The following NTNG1 variants were observed in gnomAD, a reference collection of about 807,000 sequenced individuals.
NTNG1 encodes netrin-G1.
In NTNG1, 16 loss-of-function variants were observed where a neutral mutation model predicts 54.0. That is an observed-to-expected ratio of 0.30 (90% confidence interval 0.20 to 0.45). The LOEUF is 0.45. NTNG1 is among the 20% of genes least tolerant of loss of function. The pLI, the probability that NTNG1 is intolerant of heterozygous loss-of-function variation, is 1.00. For synonymous variants in NTNG1, 255 were observed against 263.1 expected (o/e 0.97, Z 0.30); for missense variants, 530 against 678.7 (o/e 0.78, Z 2.43).
intron 3 of NTNG1, among the ~76,000 whole-genome samples, chr1:107,368,837 T>C (rs1670746290): frequency 6.6e-6 from 1 of 152,208 alleles, no homozygotes; most frequent in Non-Finnish European, 1.5e-5. Context: ...TATTGAAATG[T>C]AATTGACATA....
chr1:107,274,961 C>T (rs1664368842), intron 2 of NTNG1, among the ~76,000 whole-genome samples: 1 of 152,160 alleles, frequency 6.6e-6, no homozygotes, highest in Non-Finnish European at 1.5e-5. Context: ...TCCCTGAGGA[C>T]CCAGAAATCT....
intron 1 of NTNG1, among the ~76,000 whole-genome samples, chr1:107,144,808 G>T (rs1023508673): frequency 6.6e-6 from 1 of 151,838 alleles, no homozygotes; most frequent in East Asian, 1.9e-4. Flanking sequence ...GAGGTCTATG[G>T]GGTACTCACA....
chr1:107,344,482 C>T (rs1167836366), intron 3 of NTNG1, among the ~76,000 whole-genome samples: 1 of 152,046 alleles, frequency 6.6e-6, no homozygotes, highest in Non-Finnish European at 1.5e-5. Context: ...TTGCTGCCTT[C>T]TCAGCAGAAT....
At chr1:107,406,894 G>C (rs570960488) in intron 4 of NTNG1, among the ~76,000 whole-genome samples, 7 of 152,242 alleles carry the variant, frequency 4.6e-5, no homozygotes, top group African/African-American at 1.7e-4. Flanking sequence ...CAGAGAGCCT[G>C]GCTTCTGAGC....
chr1:107,280,157 C>CTTTTTTT (rs59501395), intron 2 of NTNG1, among the ~76,000 whole-genome samples: 1 of 103,942 alleles, frequency 9.6e-6, no homozygotes, highest in Non-Finnish European at 1.8e-5. Flanking sequence ...CGGTGCTAAC[C>CTTTTTTT]TTTTTTTTTT....
chr1:107,432,532 G>A (rs1352954738), intron 6 of NTNG1, among the ~76,000 whole-genome samples: 1 of 152,072 alleles, frequency 6.6e-6, no homozygotes, highest in African/African-American at 2.4e-5. Flanking sequence ...ATAACACTTG[G>A]GTTACAAAGA....
chr1:107,328,560 CAG>C (rs200073899), intron 3 of NTNG1, among the ~76,000 whole-genome samples: 2,242 of 152,092 alleles, frequency 0.015, 22 homozygotes, highest in Non-Finnish European at 0.023. Context: ...TTTATACAGA[CAG>C]GGGGTTAAAC....
At chr1:107,160,319 A>G (rs1655314145) in intron 2 of NTNG1, among the ~76,000 whole-genome samples, 2 of 152,098 alleles carry the variant, frequency 1.3e-5, no homozygotes, top group Admixed American at 6.6e-5. Flanking sequence ...TATATCCCTC[A>G]CAACATATAT....
chr1:107,297,642 T>A (rs537203765), intron 2 of NTNG1, among the ~76,000 whole-genome samples: 246 of 152,198 alleles, frequency 1.6e-3, no homozygotes, highest in Middle Eastern at 0.014. Context: ...ATTTCTGTAA[T>A]AAATTTGTCT....
At chr1:107,376,612 T>C (rs1671279205) in intron 3 of NTNG1, among the ~76,000 whole-genome samples, 1 of 152,200 alleles carries the variant, frequency 6.6e-6, no homozygotes, top group South Asian at 2.1e-4. Context: ...CCCTCAACTT[T>C]AGAATTTACA....
At chr1:107,282,565 C>T (rs1290789131) in intron 2 of NTNG1, among the ~76,000 whole-genome samples, 1 of 152,092 alleles carries the variant, frequency 6.6e-6, no homozygotes, top group Non-Finnish European at 1.5e-5. Flanking sequence ...ATGGTCAGTC[C>T]CCTTCTGTTG....
chr1:107,467,696 T>TGGGAAA (rs1275957205), intron 7 of NTNG1, among the ~76,000 whole-genome samples: 1 of 152,230 alleles, frequency 6.6e-6, no homozygotes, highest in Admixed American at 6.5e-5. Flanking sequence ...ACAATGTGAG[T>TGGGAAA]TACAATAGTC....
At chr1:107,364,105 G>T (rs1670450919) in intron 3 of NTNG1, among the ~76,000 whole-genome samples, 1 of 152,034 alleles carries the variant, frequency 6.6e-6, no homozygotes, top group South Asian at 2.1e-4. Context: ...ATGTCATAAT[G>T]ATATTAATAA....
intron 3 of NTNG1, among the ~76,000 whole-genome samples, chr1:107,380,791 C>T (rs914874099): frequency 6.6e-6 from 1 of 152,132 alleles, no homozygotes; most frequent in African/African-American, 2.4e-5. Flanking sequence ...CCTGACCATC[C>T]CCTGCTGGTC....
intron 7 of NTNG1, among the ~76,000 whole-genome samples, chr1:107,475,928 A>C (rs1678292594): frequency 6.6e-6 from 1 of 152,230 alleles, no homozygotes; most frequent in Non-Finnish European, 1.5e-5. Flanking sequence ...AAAATCATCC[A>C]GCGTTGAGAA....
chr1:107,398,082 C>T (rs1241942099), intron 4 of NTNG1, among the ~76,000 whole-genome samples: 1 of 152,130 alleles, frequency 6.6e-6, no homozygotes, highest in Admixed American at 6.6e-5. Flanking sequence ...AAAGCTACAA[C>T]TTCTGGTCCC....
At chr1:107,417,378 T>C (rs577762356) in intron 5 of NTNG1, among the ~76,000 whole-genome samples, 54 of 152,214 alleles carry the variant, frequency 3.5e-4, no homozygotes, top group African/African-American at 1.2e-3. Flanking sequence ...TGCAAGTCTC[T>C]TGTCTTGGAA....
At chr1:107,392,404 T>A (rs1306852475) in intron 3 of NTNG1, among the ~76,000 whole-genome samples, 1 of 151,640 alleles carries the variant, frequency 6.6e-6, no homozygotes, top group Non-Finnish European at 1.5e-5. Flanking sequence ...GACAACTAGA[T>A]AAGAGTGCGC....
intron 2 of NTNG1, among the ~76,000 whole-genome samples, 181 bp downstream of exon 2, chr1:107,149,020 G>A (rs1161478225): frequency 6.6e-5 from 10 of 152,212 alleles, no homozygotes; most frequent in African/African-American, 2.4e-4. Context: ...TACAATTTGT[G>A]CAGGGTGATT....
Sources: gnomAD v4.1 joint callset for allele counts (sites outside exome capture counted in the v4.1 genomes callset) on GRCh38, gnomAD v4.1.1 for gene constraint, MANE v1.5 for transcripts, NCBI Gene and HGNC (gene_info 2026-07-23, HGNC 2026-07-21) for gene names.